CEP112: variants seen among roughly 807,000 people sequenced by gnomAD.
CEP112 encodes centrosomal protein 112.
Under a neutral mutation model 153.0 loss-of-function variants are expected in CEP112, and 127 were observed. The observed-to-expected ratio is 0.83, with a 90% confidence interval of 0.72 to 0.96. CEP112 has a LOEUF of 0.96. Ranked by LOEUF, CEP112 falls within the 40% of genes least tolerant of loss-of-function variation. CEP112 has a pLI of 0.00. For synonymous variants in CEP112, 358 were observed against 374.4 expected (o/e 0.96, Z 0.51); for missense variants, 1,089 against 1,101.2 (o/e 0.99, Z 0.16).
intron 21 of CEP112, among the ~76,000 whole-genome samples, chr17:65,787,213 C>T (rs1304110534): frequency 1.3e-5 from 2 of 152,214 alleles, no homozygotes; most frequent in Non-Finnish European, 2.9e-5. Flanking sequence ...GGCACAGTGG[C>T]TCACACCTGT....
chr17:65,721,339 C>A (rs2049877408), intron 23 of CEP112, among the ~76,000 whole-genome samples: 1 of 152,096 alleles, frequency 6.6e-6, no homozygotes, highest in Non-Finnish European at 1.5e-5. Flanking sequence ...TTTAACGCAA[C>A]ACATGGAAGA....
At chr17:65,845,323 AAAAAC>A (rs903997654) in intron 21 of CEP112, among the ~76,000 whole-genome samples, 3 of 152,218 alleles carry the variant, frequency 2.0e-5, no homozygotes, top group African/African-American at 4.8e-5. Flanking sequence ...CCATCTCAAA[AAAAAC>A]AAAACAAAAC....
intron 6 of CEP112, among the ~76,000 whole-genome samples, chr17:66,111,160 A>G (rs1435396714): frequency 6.6e-6 from 1 of 152,202 alleles, no homozygotes; most frequent in African/African-American, 2.4e-5. Context: ...CAATGAGATA[A>G]AATCTCACAC....
rs539350018 is a variant in CEP112, at chr17:65,971,597, ATATTGTGTGCATAT to A, written c.1737-10013_1737-10000del. Among the ~76,000 whole-genome samples, 70 of 54,226 alleles carry A rather than the reference ATATTGTGTGCATAT, an allele frequency of 1.3e-3. No individual in the cohort carries two copies. In the East Asian group the frequency reaches 0.093, roughly 72 times the overall value. 35.6% of individuals were successfully genotyped at this position (54,226 alleles called of 152,430 possible). A position where few individuals can be genotyped will look rare whatever the true frequency, so the allele number is the denominator to read the frequency against. On this transcript the variant is annotated intron_variant, in intron 17 of 26. Transcript: ENST00000535342. ...TATGGCATGTATATTACATGCATGCATATTGTGTGCATATTATATGTATATCCCATGCATATTGC... is the reference window on the plus strand; with the variant it reads ...TATGGCATGTATATTACATGCATGCATATATGTATATCCCATGCATATTGC...
intron 21 of CEP112, among the ~76,000 whole-genome samples, chr17:65,781,829 C>A (rs2054012683): frequency 6.6e-6 from 1 of 152,044 alleles, no homozygotes; most frequent in Non-Finnish European, 1.5e-5. Flanking sequence ...GAAAATGGAT[C>A]CCTTTTACCA....
chr17:66,128,994 T>TAA (rs931253132), intron 6 of CEP112, among the ~76,000 whole-genome samples: 1 of 152,176 alleles, frequency 6.6e-6, no homozygotes, highest in African/African-American at 2.4e-5. Context: ...AAATTACAAA[T>TAA]TATTTTTATA....
chr17:65,645,991 A>G (rs2045408041), intron 24 of CEP112, among the ~76,000 whole-genome samples: 1 of 152,172 alleles, frequency 6.6e-6, no homozygotes. Flanking sequence ...TATGTCCCTC[A>G]GTTTTCAAGT....
intron 21 of CEP112, among the ~76,000 whole-genome samples, chr17:65,802,722 T>C (rs1222443750): frequency 6.6e-6 from 1 of 152,210 alleles, no homozygotes; most frequent in Non-Finnish European, 1.5e-5. Flanking sequence ...TGAGCAGGAA[T>C]TGTATATATT....
intron 16 of CEP112, among the ~76,000 whole-genome samples, chr17:66,019,400 C>T (rs2064905913): frequency 6.6e-6 from 1 of 152,052 alleles, no homozygotes; most frequent in African/African-American, 2.4e-5. Flanking sequence ...GTCAGGTCTT[C>T]GAGCTATCAA....
chr17:65,653,968 A>G (rs1055997891), intron 24 of CEP112, among the ~76,000 whole-genome samples: 2 of 146,384 alleles, frequency 1.4e-5, no homozygotes, highest in African/African-American at 5.0e-5. Flanking sequence ...CTGAGGCAGG[A>G]GAATTGCTTG....
At chr17:65,972,932 A>C (rs1411448173) in intron 17 of CEP112, among the ~76,000 whole-genome samples, 1 of 152,034 alleles carries the variant, frequency 6.6e-6, no homozygotes, top group Non-Finnish European at 1.5e-5. Context: ...CACCCAGCTA[A>C]TTTTTGTATT....
intron 19 of CEP112, among the ~76,000 whole-genome samples, chr17:65,910,713 CAAAG>C (rs2060251830): frequency 6.6e-6 from 1 of 151,944 alleles, no homozygotes; most frequent in South Asian, 2.1e-4. Flanking sequence ...AGGAAAAAGA[CAAAG>C]AGAAGCTAAA....
intron 21 of CEP112, among the ~76,000 whole-genome samples, chr17:65,764,370 T>C (rs1056209641): frequency 4.6e-5 from 7 of 152,270 alleles, no homozygotes; most frequent in Non-Finnish European, 8.8e-5. Context: ...CCACTATTAC[T>C]GTATTGCTAT....
chr17:65,671,811 C>A (rs533104939), intron 24 of CEP112, among the ~76,000 whole-genome samples: 2 of 152,090 alleles, frequency 1.3e-5, no homozygotes, highest in South Asian at 4.2e-4. Context: ...CTGAACTCAA[C>A]AAAAGGTAGC....
chr17:66,056,790 G>A (rs1312586180), intron 11 of CEP112, among the ~76,000 whole-genome samples: 1 of 152,062 alleles, frequency 6.6e-6, no homozygotes, highest in Non-Finnish European at 1.5e-5. Flanking sequence ...CAATGAAAAT[G>A]GTCTGTAAAT....
intron 6 of CEP112, among the ~76,000 whole-genome samples, chr17:66,110,242 G>C (rs2068966816): frequency 6.6e-6 from 1 of 151,862 alleles, no homozygotes; most frequent in Non-Finnish European, 1.5e-5. Flanking sequence ...TAAGGCAGGA[G>C]AATCACTTGA....
At chr17:65,925,477 T>C (rs1226449032) in intron 19 of CEP112, among the ~76,000 whole-genome samples, 1 of 152,254 alleles carries the variant, frequency 6.6e-6, no homozygotes, top group African/African-American at 2.4e-5. Context: ...ATGTATATAC[T>C]GTTCACTGAT....
chr17:66,073,694 T>C (rs1317995182), intron 8 of CEP112, among the ~76,000 whole-genome samples: 1 of 152,218 alleles, frequency 6.6e-6, no homozygotes, highest in Non-Finnish European at 1.5e-5. Flanking sequence ...CTCAGAAAGA[T>C]AGTTTGTAAG....
intron 6 of CEP112, among the ~76,000 whole-genome samples, chr17:66,122,761 G>A (rs915617353): frequency 1.3e-5 from 2 of 152,150 alleles, no homozygotes; most frequent in African/African-American, 2.4e-5. Flanking sequence ...TTAAATTCAG[G>A]CAGGGGTAGA....
Sources: gnomAD v4.1 joint callset for allele counts (sites outside exome capture counted in the v4.1 genomes callset) on GRCh38, gnomAD v4.1.1 for gene constraint, MANE v1.5 for transcripts, NCBI Gene and HGNC (gene_info 2026-07-23, HGNC 2026-07-21) for gene names.